Variants in SDK1 observed in about 807,000 individuals in gnomAD.
SDK1 encodes sidekick cell adhesion molecule 1.
A neutral mutation model predicts 245.5 loss-of-function variants in SDK1; 157 were observed. That is an observed-to-expected ratio of 0.64 (90% CI 0.56 to 0.73). The LOEUF is 0.73. Among genes scored for constraint, SDK1 ranks in the 30% least tolerant of loss-of-function variants. The pLI is 0.00. For missense variants in SDK1, 3,583 were observed against 3,002.3 expected (o/e 1.19, Z -4.52); for synonymous variants, 1,647 against 1,278.5 (o/e 1.29, Z -6.15).
chr7:3,769,877 T>C (rs547380235), intron 4 of SDK1, among the ~76,000 whole-genome samples: 2 of 152,032 alleles, frequency 1.3e-5, no homozygotes, highest in African/African-American at 2.4e-5. Flanking sequence ...TAGGTACTAA[T>C]TGATGCTCAG....
At chr7:3,330,384 A>G (rs1039147457) in intron 1 of SDK1, among the ~76,000 whole-genome samples, 2 of 152,098 alleles carry the variant, frequency 1.3e-5, no homozygotes, top group Non-Finnish European at 2.9e-5. Context: ...TGTTCCCTAA[A>G]TTTTATGTGT....
intron 1 of SDK1, among the ~76,000 whole-genome samples, chr7:3,401,304 G>C (rs1778881217): frequency 6.6e-6 from 1 of 152,154 alleles, no homozygotes; most frequent in Non-Finnish European, 1.5e-5. Context: ...GGCAGGATCA[G>C]AATGGAAAGG....
At chr7:3,868,572 G>A (rs1305260282) in intron 5 of SDK1, among the ~76,000 whole-genome samples, 1 of 152,186 alleles carries the variant, frequency 6.6e-6, no homozygotes, top group Non-Finnish European at 1.5e-5. Context: ...ATCTGCTCTA[G>A]TATTATGGTC....
At chr7:3,770,465 TCA>T (rs757857062) in intron 4 of SDK1, among the ~76,000 whole-genome samples, 5 of 152,224 alleles carry the variant, frequency 3.3e-5, no homozygotes, top group Non-Finnish European at 7.3e-5. Context: ...GATAAAAATC[TCA>T]GAGTATAGTT....
At chr7:3,621,382 C>A (rs994877483) in intron 2 of SDK1, among the ~76,000 whole-genome samples, 1 of 152,146 alleles carries the variant, frequency 6.6e-6, no homozygotes, top group African/African-American at 2.4e-5. Flanking sequence ...ACATCACCCT[C>A]ATTTTTATGA....
At chr7:3,980,419 G>C (rs897770763) in intron 13 of SDK1, among the ~76,000 whole-genome samples, 3 of 152,032 alleles carry the variant, frequency 2.0e-5, no homozygotes, top group Non-Finnish European at 4.4e-5. Context: ...TTGTTCTCTG[G>C]GACCTCTTCC....
intron 1 of SDK1, among the ~76,000 whole-genome samples, chr7:3,310,576 T>C (rs1779526612): frequency 6.6e-6 from 1 of 152,146 alleles, no homozygotes; most frequent in Non-Finnish European, 1.5e-5. Context: ...ACTAGTTGGC[T>C]AGTATAACCA....
At chr7:3,742,154 C>T (rs1393571707) in intron 4 of SDK1, among the ~76,000 whole-genome samples, 1 of 150,652 alleles carries the variant, frequency 6.6e-6, no homozygotes, top group African/African-American at 2.4e-5. Flanking sequence ...TTTTTACCCC[C>T]ATTTCTTTGC....
At chr7:3,524,281 A>C (rs1445640298) in intron 1 of SDK1, among the ~76,000 whole-genome samples, 1 of 152,200 alleles carries the variant, frequency 6.6e-6, no homozygotes, top group Non-Finnish European at 1.5e-5. Flanking sequence ...ATGCTGAGTC[A>C]AGGTGGAAAC....
At chr7:3,529,374 G>A (rs1783264712) in intron 1 of SDK1, among the ~76,000 whole-genome samples, 1 of 152,170 alleles carries the variant, frequency 6.6e-6, no homozygotes. Flanking sequence ...AGTACAAAAT[G>A]ACCTTGGAAA....
At chr7:3,951,630 A>G in intron 6 of SDK1, 100 bp from the exon 7 acceptor site, 1 of 997,650 alleles carries the variant, frequency 1.0e-6, no homozygotes. Context: ...GCACCCTGGT[A>G]GCATTAGCTT....
At chr7:3,961,986 CACAA>C (rs1475252250) in intron 8 of SDK1, among the ~76,000 whole-genome samples, 10 of 150,618 alleles carry the variant, frequency 6.6e-5, no homozygotes, top group Non-Finnish European at 1.2e-4. Flanking sequence ...CACATATATG[CACAA>C]ACACACACAC....
intron 10 of SDK1, among the ~76,000 whole-genome samples, chr7:3,967,889 A>T (rs1234068706): frequency 1.3e-5 from 2 of 152,244 alleles, no homozygotes; most frequent in Middle Eastern, 3.2e-3. Context: ...CCTGATTTAC[A>T]GAATGCCTAC....
At chr7:3,645,180 CTGTT>C (rs1665511950) in intron 4 of SDK1, among the ~76,000 whole-genome samples, 1 of 152,150 alleles carries the variant, frequency 6.6e-6, no homozygotes. Context: ...ATGCTAAAGC[CTGTT>C]TAATTCCTGG....
chr7:3,962,162 T>G (rs1348840899), intron 8 of SDK1, among the ~76,000 whole-genome samples: 1 of 152,212 alleles, frequency 6.6e-6, no homozygotes, highest in Non-Finnish European at 1.5e-5. Context: ...CTAACCTGCA[T>G]GTGAGGAAAC....
intron 29 of SDK1, 63 bp from the exon 30 acceptor site, chr7:4,149,198 TG>T: frequency 1.5e-6 from 2 of 1,355,770 alleles, no homozygotes. Context: ...CGTAGCCTCC[TG>T]GGGATGTTCC....
At chr7:3,980,860 G>A (rs1028686789) in intron 13 of SDK1, among the ~76,000 whole-genome samples, 1 of 151,724 alleles carries the variant, frequency 6.6e-6, no homozygotes, top group African/African-American at 2.4e-5. Context: ...AGAATTGCTC[G>A]AACTCAGGAG....
chr7:3,547,934 C>T lies in SDK1; in HGVS notation c.299-71146C>T, dbSNP rs568976764. Among the ~76,000 whole-genome samples the T allele has an allele frequency of 4.6e-5, 7 of 152,264 alleles. No homozygotes were observed. The South Asian group carries it at 8.3e-4, about 18-fold the overall frequency. On this transcript the variant is annotated intron_variant, in intron 1 of 44. Transcript: ENST00000404826. ...TTCCAGTACCTTCTTTGTTGAAGAA[C>T]GTATTGGAAAGCATAGTCAGTGTCT...
intron 19 of SDK1, among the ~76,000 whole-genome samples, chr7:4,052,399 G>A (rs1267463362): frequency 6.6e-6 from 1 of 151,888 alleles, no homozygotes. Flanking sequence ...TATACAAGGC[G>A]GCTCGTTACA....
Sources: gnomAD v4.1 joint callset for allele counts (sites outside exome capture counted in the v4.1 genomes callset) on GRCh38, gnomAD v4.1.1 for gene constraint, MANE v1.5 for transcripts, NCBI Gene and HGNC (gene_info 2026-07-23, HGNC 2026-07-21) for gene names.